PTPRK: variants seen among roughly 807,000 people sequenced by gnomAD.
PTPRK encodes receptor-type tyrosine-protein phosphatase kappa.
In PTPRK, 75 loss-of-function variants were observed where a neutral mutation model predicts 178.0. That is an observed-to-expected ratio of 0.42 (90% confidence interval 0.35 to 0.51). The LOEUF is 0.51. PTPRK is among the 20% of genes least tolerant of loss of function. The pLI is 0.02. For synonymous variants in PTPRK, 637 were observed against 620.6 expected, an observed-to-expected ratio of 1.03 and a Z score of -0.39; for missense variants, 1,441 against 1,797.8, an observed-to-expected ratio of 0.80 and a Z score of 3.59.
At chr6:128,277,533 T>C (rs1422203621) in intron 3 of PTPRK, among the ~76,000 whole-genome samples, 2 of 152,148 alleles carry the variant, frequency 1.3e-5, no homozygotes, top group Non-Finnish European at 2.9e-5. Flanking sequence ...CCCAAAACAA[T>C]ATTCCTGCTG....
At chr6:128,081,277 T>G (rs1214258782) in intron 10 of PTPRK, among the ~76,000 whole-genome samples, 1 of 152,084 alleles carries the variant, frequency 6.6e-6, no homozygotes, top group Admixed American at 6.6e-5. Context: ...ACTGCAATTT[T>G]AAAACATTGT....
At chr6:128,498,918 G>GTTGTTT (rs1314722303) in intron 1 of PTPRK, among the ~76,000 whole-genome samples, 75 of 152,146 alleles carry the variant, frequency 4.9e-4, no homozygotes, top group African/African-American at 1.6e-3. Flanking sequence ...CTTTGTTGTT[G>GTTGTTT]TTAAGTCTTG....
chr6:128,496,074 A>G (rs1359629293), intron 1 of PTPRK, among the ~76,000 whole-genome samples: 2 of 152,202 alleles, frequency 1.3e-5, no homozygotes, highest in Non-Finnish European at 2.9e-5. Flanking sequence ...TATGTTTCAC[A>G]TCCATCTACC....
chr6:128,442,693 C>T (rs917671361), intron 1 of PTPRK, among the ~76,000 whole-genome samples: 4 of 152,146 alleles, frequency 2.6e-5, no homozygotes, highest in Non-Finnish European at 5.9e-5. Context: ...TATCTTCAAA[C>T]TAAACTTGTG....
At chr6:128,220,482 T>C (rs902438059) in intron 5 of PTPRK, among the ~76,000 whole-genome samples, 3 of 152,196 alleles carry the variant, frequency 2.0e-5, no homozygotes, top group Admixed American at 6.5e-5. Context: ...CCTGGTATCT[T>C]TCATATTACT....
At chr6:128,322,387 T>A (rs1828928328) in intron 2 of PTPRK, 77 bp from the exon 3 acceptor site, 6 of 1,353,154 alleles carry the variant, frequency 4.4e-6, no homozygotes, top group Non-Finnish European at 6.2e-6. Context: ...AATATGCTAA[T>A]CCATTCTGAG....
chr6:128,326,459 A>G (rs1451412716), intron 2 of PTPRK, among the ~76,000 whole-genome samples: 1 of 152,196 alleles, frequency 6.6e-6, no homozygotes, highest in Non-Finnish European at 1.5e-5. Flanking sequence ...AGTATTCTCA[A>G]TATTCAATAA....
At chr6:128,114,533 T>C (rs1005144703) in intron 7 of PTPRK, among the ~76,000 whole-genome samples, 5 of 151,028 alleles carry the variant, frequency 3.3e-5, no homozygotes, top group Non-Finnish European at 7.4e-5. Flanking sequence ...GGCAAGAGAA[T>C]TGCTTGAACC....
intron 7 of PTPRK, among the ~76,000 whole-genome samples, chr6:128,171,421 CTCTT>C (rs534465632): frequency 7.0e-4 from 107 of 151,962 alleles, no homozygotes; most frequent in Non-Finnish European, 1.4e-3. Flanking sequence ...ATGTCTAACT[CTCTT>C]TCTTACCTTT....
intron 13 of PTPRK, among the ~76,000 whole-genome samples, chr6:128,029,094 T>G (rs1040314744): frequency 2.6e-5 from 4 of 152,082 alleles, no homozygotes; most frequent in Admixed American, 2.6e-4. Flanking sequence ...TGGGACTTGG[T>G]GGGAGGTTTT....
chr6:128,259,911 T>C (rs1817921166), intron 3 of PTPRK, among the ~76,000 whole-genome samples: 3 of 152,134 alleles, frequency 2.0e-5, no homozygotes, highest in Non-Finnish European at 4.4e-5. Context: ...TTCCAGTCCA[T>C]AACATATGTA....
At chr6:128,039,233 T>C (rs1024781491) in intron 13 of PTPRK, among the ~76,000 whole-genome samples, 7 of 152,156 alleles carry the variant, frequency 4.6e-5, no homozygotes, top group Admixed American at 3.3e-4. Flanking sequence ...AAACATATAC[T>C]CATGCTATGG....
intron 13 of PTPRK, among the ~76,000 whole-genome samples, chr6:128,021,440 T>C (rs1773488280): frequency 6.6e-6 from 1 of 152,042 alleles, no homozygotes; most frequent in Admixed American, 6.6e-5. Flanking sequence ...ATGGAGACCA[T>C]CCTGGCTAAC....
At position 128,256,542 on chromosome 6, in the gene PTPRK, G is replaced by A. The variant is rs932900603; in HGVS notation, c.496-13940C>T. ...TGCAACCTCCAACTCCCGGGTTCAA[G>A]CACTTCTGCCTCAGCCTCCCGAGTA... On this transcript the variant is annotated intron_variant, in intron 3 of 29. Coordinates refer to ENST00000368226, the MANE Select transcript of PTPRK (RefSeq NM_002844.4). 4.0e-5 allele frequency among the ~76,000 whole-genome samples: 6 copies of A among 151,424 alleles called. No individual in the cohort carries two copies. In the South Asian group the frequency reaches 1.3e-3, roughly 32 times the overall value.
intron 1 of PTPRK, among the ~76,000 whole-genome samples, chr6:128,488,802 C>G (rs891662574): frequency 6.6e-6 from 1 of 151,978 alleles, no homozygotes; most frequent in Admixed American, 6.6e-5. Context: ...TCATTTAATT[C>G]TTTGAAATCT....
chr6:128,414,481 C>T (rs964179), intron 1 of PTPRK, among the ~76,000 whole-genome samples: 6,230 of 152,158 alleles, frequency 0.041, 384 homozygotes, highest in East Asian at 0.32. Context: ...CTGAAATAAC[C>T]TCAGAGTGAA....
intron 3 of PTPRK, among the ~76,000 whole-genome samples, chr6:128,314,670 G>A (rs1289723837): frequency 6.6e-6 from 1 of 152,028 alleles, no homozygotes; most frequent in East Asian, 1.9e-4. Flanking sequence ...CCATATTGCA[G>A]GGACTGAAAC....
chr6:128,106,796 A>G (rs1014938574), intron 7 of PTPRK, among the ~76,000 whole-genome samples: 1 of 152,192 alleles, frequency 6.6e-6, no homozygotes, highest in African/African-American at 2.4e-5. Context: ...ATTTATCTTC[A>G]ATATAAATGA....
chr6:127,988,132 A>C (rs1776180271), intron 21 of PTPRK, among the ~76,000 whole-genome samples: 1 of 149,868 alleles, frequency 6.7e-6, no homozygotes, highest in Non-Finnish European at 1.5e-5. Context: ...TCTTATTTTG[A>C]ATTTTTTCAT....
Sources: allele counts gnomAD v4.1 joint callset (sites outside exome capture counted in the v4.1 genomes callset), GRCh38; gene constraint gnomAD v4.1.1; transcripts MANE v1.5; gene names NCBI Gene and HGNC (gene_info 2026-07-23, HGNC 2026-07-21).